RNF135: variants seen among roughly 807,000 people sequenced by gnomAD.
RNF135 encodes E3 ubiquitin-protein ligase RNF135.
A neutral mutation model predicts 41.9 loss-of-function variants in RNF135; 46 were observed. The ratio of observed to expected loss-of-function variants is 1.10; its 90% CI spans 0.87 to 1.40. The LOEUF (loss-of-function observed/expected upper bound fraction) is 1.40. RNF135 is among the 40% of genes most tolerant of loss of function. The pLI is 0.00. For synonymous variants in RNF135, 238 were observed against 223.8 expected, an observed-to-expected ratio of 1.06 and a Z score of -0.57; for missense variants, 539 against 549.8, an observed-to-expected ratio of 0.98 and a Z score of 0.20.
chr17:30,979,722 C>G (rs565979082), intron 1 of RNF135, among the ~76,000 whole-genome samples: 1 of 128,082 alleles, frequency 7.8e-6, no homozygotes, highest in African/African-American at 3.0e-5. Context: ...TGACCCCCCC[C>G]ACCTCCCTCC....
chr17:30,988,191 G>A (rs543044184), intron 3 of RNF135, 85 bp downstream of exon 3: 194 of 1,294,842 alleles, frequency 1.5e-4, no homozygotes, highest in Admixed American at 3.7e-4. Context: ...GTTCTCTGGG[G>A]ATAGGATCCC....
At chr17:30,977,726 G>A (rs1364892464) in intron 1 of RNF135, among the ~76,000 whole-genome samples, 6 of 151,904 alleles carry the variant, frequency 3.9e-5, no homozygotes, top group Non-Finnish European at 7.4e-5. Flanking sequence ...CCACCACCAC[G>A]CCCGGCTAAT....
At chr17:30,981,765 A>C (rs908965186) in intron 1 of RNF135, among the ~76,000 whole-genome samples, 2 of 152,196 alleles carry the variant, frequency 1.3e-5, no homozygotes, top group African/African-American at 4.8e-5. Context: ...ATTAGGGGGC[A>C]CCCCAAGCCC....
At position 30,987,925 on chromosome 17, in the gene RNF135, T is replaced by A. The variant is rs776234975; in HGVS notation, c.517-19T>A. On this transcript the variant is annotated intron_variant, in intron 2 of 4. Transcript: ENST00000328381. ...ATAGGGGACTTCCATTTATTCAGTT[T>A]TAAATGGTTTATCAATAGGCTTTTT... 6.8e-6 allele frequency: 11 copies of A among 1,609,850 alleles called. No individual in the cohort carries two copies. The African/African-American group carries it at 1.5e-4, about 22-fold the overall frequency.
intron 2 of RNF135, 92 bp from the exon 3 acceptor site, chr17:30,987,852 A>C: frequency 7.9e-7 from 1 of 1,266,924 alleles, no homozygotes; most frequent in South Asian, 1.3e-5. Context: ...ATTAAATAGA[A>C]AATTATAGAT....
In RNF135 at chr17:30,997,274, T is replaced by C; in HGVS notation, c.712T>C (p.Cys238Arg). ...ELLEAPSSSS[C>R]PLPDQSHPAL... is the part of the protein sequence containing the mutation. ...CCTGGAAGCCCCGTCTTCCTCCTCATGCCCATTGCCTGACCAGAGCCACCC... is the reference window on the plus strand; with the variant it reads ...CCTGGAAGCCCCGTCTTCCTCCTCACGCCCATTGCCTGACCAGAGCCACCC... The change falls in exon 4 of 5, where the codon TGC (cysteine) becomes CGC (arginine). Residue 238 changes from cysteine to arginine, a missense_variant. This residue lies in a region of RNF135 where 262 missense variants were observed against 336.9 expected (regional missense o/e 0.78). Coordinates refer to ENST00000328381, the MANE Select transcript of RNF135 (RefSeq NM_032322.4). 6.2e-7 allele frequency: 1 copy of C among 1,614,146 alleles called. No homozygotes were observed. The highest frequency in any genetic ancestry group is 8.5e-7 in the Non-Finnish European group (1 of 1,179,988).
chr17:30,987,832 C>G, intron 2 of RNF135, 112 bp from the exon 3 acceptor site: 1 of 1,121,676 alleles, frequency 8.9e-7, no homozygotes. Flanking sequence ...TTTTTAAAAA[C>G]TTGCTGGGAA....
chr17:30,976,247 A>C (rs911808617), intron 1 of RNF135, among the ~76,000 whole-genome samples: 2 of 151,848 alleles, frequency 1.3e-5, no homozygotes, highest in African/African-American at 2.4e-5. Flanking sequence ...CTCGTGATCC[A>C]CCCGCCTCGG....
intron 1 of RNF135, among the ~76,000 whole-genome samples, chr17:30,982,776 T>C (rs1443518452): frequency 6.6e-6 from 1 of 152,214 alleles, no homozygotes; most frequent in African/African-American, 2.4e-5. Flanking sequence ...TGATATGAAA[T>C]ACATTCACAA....
At chr17:30,965,443 C>T in the RNF135 span, 1 of 152,066 alleles carries the variant, frequency 6.6e-6, no homozygotes, top group African/African-American at 2.4e-5. Context: ...AAGCACCTTT[C>T]CAAAAAATAT....
At chr17:30,962,160 GTC>G in the RNF135 span, among the ~76,000 whole-genome samples, 6 of 150,386 alleles carry the variant, frequency 4.0e-5, no homozygotes, top group Admixed American at 1.3e-4. Flanking sequence ...CCGAGATGGA[GTC>G]TCTCTGTGTC....
At chr17:30,989,293 C>T (rs1304113024) in intron 3 of RNF135, among the ~76,000 whole-genome samples, 2 of 151,928 alleles carry the variant, frequency 1.3e-5, no homozygotes, top group South Asian at 4.1e-4. Flanking sequence ...ACTTGAGCCA[C>T]GGGTTCAAGG....
chr17:30,985,238 G>C (rs1907504532), intron 2 of RNF135, among the ~76,000 whole-genome samples: 1 of 152,152 alleles, frequency 6.6e-6, no homozygotes, highest in Admixed American at 6.5e-5. Context: ...AGGTCCCTTT[G>C]TTTCCCCTGC....
At chr17:30,997,106 G>C (rs968688778) in intron 3 of RNF135, 136 bp from the exon 4 acceptor site, 1 of 710,684 alleles carries the variant, frequency 1.4e-6, no homozygotes, top group African/African-American at 1.8e-5. Context: ...GCCTCTGCCT[G>C]ATCCAGTCCT....
At chr17:30,972,896 C>G (rs773928110) in intron 1 of RNF135, 6 of 152,364 alleles carry the variant, frequency 3.9e-5, no homozygotes, top group African/African-American at 7.2e-5. Context: ...CTGCCTCAGC[C>G]TCCCAAGTAG....
chr17:30,970,015 G>C (rs1001457602), upstream of RNF135, among the ~76,000 whole-genome samples: 8 of 151,890 alleles, frequency 5.3e-5, no homozygotes, highest in Admixed American at 3.3e-4. Flanking sequence ...GACTTCAAGT[G>C]ATCCAAAGGT....
upstream of RNF135, chr17:30,969,129 C>T (rs1331700397): frequency 6.6e-6 from 1 of 152,028 alleles, no homozygotes; most frequent in Non-Finnish European, 1.5e-5. Flanking sequence ...TCTCGAACTC[C>T]TGAGTTCAGG....
At chr17:30,980,524 G>T (rs1201308811) in intron 1 of RNF135, among the ~76,000 whole-genome samples, 2 of 138,808 alleles carry the variant, frequency 1.4e-5, no homozygotes, top group East Asian at 2.4e-4. Context: ...CTCCCTCCCG[G>T]ACGGGGTGGC....
In RNF135 at chr17:30,981,059, G is replaced by A. The variant is rs1598087784; in HGVS notation, c.373-3558G>A. Among the ~76,000 whole-genome samples, 6 of 146,952 alleles carry A rather than the reference G, an allele frequency of 4.1e-5. No homozygotes were observed. The South Asian group carries it at 1.3e-3, about 32-fold the overall frequency. On this transcript the variant is annotated intron_variant, in intron 1 of 4. Transcript: ENST00000328381. Reference sequence around the variant, plus strand: ...GCCGAGATCACGCCACTGCACTCCAGCCTGGGCACCATTGAGCACTGAGTG... The same window carrying A: ...GCCGAGATCACGCCACTGCACTCCAACCTGGGCACCATTGAGCACTGAGTG...
Sources: gnomAD v4.1 joint callset for allele counts (sites outside exome capture counted in the v4.1 genomes callset) on GRCh38, gnomAD v4.1.1 for gene constraint, gnomAD v4.1.1 regional missense constraint, MANE v1.5 for transcripts, NCBI Gene and HGNC (gene_info 2026-07-23, HGNC 2026-07-21) for gene names.